TRIM8: variants seen among roughly 807,000 people sequenced by gnomAD.
TRIM8 encodes the protein tripartite motif containing 8, also known as E3 ubiquitin-protein ligase TRIM8.
Under a neutral mutation model 55.7 loss-of-function variants are expected in TRIM8, and 9 were observed. The observed-to-expected ratio is 0.16, with a 90% confidence interval of 0.10 to 0.28. The LOEUF is 0.28. TRIM8 is among the 10% of genes least tolerant of loss of function. The pLI is 1.00. For synonymous variants in TRIM8, 335 were observed against 333.3 expected (o/e 1.01, Z -0.06); for missense variants, 556 against 736.4 (o/e 0.76, Z 2.83).
chr10:102,653,135 C>A (rs1490401537), intron 1 of TRIM8, among the ~76,000 whole-genome samples: 3 of 152,180 alleles, frequency 2.0e-5, no homozygotes, highest in African/African-American at 7.2e-5. Flanking sequence ...ATTTAAATAG[C>A]CACATATGAC....
intron 1 of TRIM8, among the ~76,000 whole-genome samples, chr10:102,652,165 G>C (rs1372060406): frequency 6.6e-6 from 1 of 152,214 alleles, no homozygotes; most frequent in African/African-American, 2.4e-5. Flanking sequence ...CCTGCACCCA[G>C]CTTATAAGGT....
Position 102,656,426 on chromosome 10 carries a change from T to TG in TRIM8, c.1048+45dup, listed in dbSNP as rs759337308. The TG allele has an allele frequency of 1.3e-6, 2 of 1,580,116 alleles. No individual in the cohort carries two copies. The highest frequency in any genetic ancestry group is 2.3e-5 in the South Asian group (2 of 87,724). On this transcript the variant is annotated intron_variant, in intron 5 of 5. Coordinates refer to ENST00000643721, the MANE Select transcript of TRIM8 (RefSeq NM_030912.3). This position sits in a 1 kb window ranked among gnomAD's most constrained non-coding sequence, Gnocchi z 4.6. ...TCCGCCGAAGGGAGACAGGGACCTT[T>TG]GGGGAGGGGTTCAGCGCCACAGCCT... is the stretch of plus-strand genomic sequence containing the variant.
intron 1 of TRIM8, among the ~76,000 whole-genome samples, chr10:102,651,108 C>T (rs921901656): frequency 2.0e-5 from 3 of 152,186 alleles, no homozygotes; most frequent in East Asian, 3.8e-4. Flanking sequence ...CCTCCTTCCT[C>T]TTCCTGCTCT....
chr10:102,646,589 G>A (rs1417928493), intron 1 of TRIM8, among the ~76,000 whole-genome samples: 1 of 152,172 alleles, frequency 6.6e-6, no homozygotes, highest in Non-Finnish European at 1.5e-5. Flanking sequence ...GTTTCCAATC[G>A]GATGGACTAG....
Position 102,656,114 on chromosome 10 carries a change from G to C in TRIM8, c.909G>C (p.Lys303Asn). ...TEDVSFMKNT[K>N]SVKILMDRTQ... is the part of the protein sequence containing the mutation. Reference sequence around the variant, plus strand: ...TTTTCTCTCCCCAACAGAACACCAAGTCTGTGAAAATCCTGATGGACAGGT... The same window carrying C: ...TTTTCTCTCCCCAACAGAACACCAACTCTGTGAAAATCCTGATGGACAGGT... Residue 303 changes from lysine to asparagine, a missense_variant, in exon 4 of 6, where the codon AAG becomes AAC. Physicochemically the swap from Lys to Asn is moderately conservative, Grantham distance 94 (BLOSUM62 0). Coordinates refer to ENST00000643721, the MANE Select transcript of TRIM8 (RefSeq NM_030912.3). The surrounding 1 kb of genome is among the most constrained non-coding windows in gnomAD (Gnocchi z 4.6). 6.2e-7 allele frequency: 1 copy of C among 1,614,146 alleles called. No individual in the cohort carries two copies. Among genetic ancestry groups the C allele is most frequent in the Non-Finnish European group, 8.5e-7 (1 of 1,180,030 alleles).
At chr10:102,652,201 C>T (rs11191361) in intron 1 of TRIM8, among the ~76,000 whole-genome samples, 34,925 of 152,154 alleles carry the variant, frequency 0.23, 4,907 homozygotes, top group Non-Finnish European at 0.3. Context: ...ACACTTCCTC[C>T]TGCTCCCAGG....
chr10:102,653,473 GGA>G (rs1564721137), intron 1 of TRIM8: 1 of 152,706 alleles, frequency 6.5e-6, no homozygotes, highest in Non-Finnish European at 1.5e-5. Context: ...ACGGAGTCAC[GGA>G]GAGTTTTTGA....
Position 102,655,252 on chromosome 10 carries a change from A to G in TRIM8, c.839A>G (p.Lys280Arg). Residue 280 changes from lysine to arginine, a missense_variant, in exon 3 of 6, where the codon AAG becomes AGG. Physicochemically the swap from Lys to Arg is conservative, Grantham distance 26. This residue lies in a region of TRIM8 where 391 missense variants were observed against 441.0 expected (regional missense o/e 0.89). Coordinates refer to ENST00000643721, the MANE Select transcript of TRIM8 (RefSeq NM_030912.3). ...CTCGGGGAGCGCATGCAGGAGGCCA[A>G]GAAGCTGCTGGGCTCCCTGCAGCTG... is the stretch of plus-strand genomic sequence containing the variant. ...LHLGERMQEAKKLLGSLQLLF... is the reference protein window; with the variant it reads ...LHLGERMQEARKLLGSLQLLF... 1.2e-6 allele frequency: 2 copies of G among 1,600,494 alleles called. No homozygotes were observed. Among genetic ancestry groups the G allele is most frequent in the African/African-American group, 1.4e-5 (1 of 73,806 alleles).
chr10:102,654,638 C>T lies in TRIM8; in HGVS notation c.571-15C>T. On this transcript the variant is annotated splice_polypyrimidine_tract_variant and intron_variant, in intron 1 of 5. Coordinates refer to ENST00000643721, the MANE Select transcript of TRIM8 (RefSeq NM_030912.3). ...CCACAGTCCCTCTGATACTCCCACC[C>T]AAATGTCCCTGCAGAAGATGCTCAT... The T allele has an allele frequency of 6.2e-7, 1 of 1,608,948 alleles. No homozygotes were observed. Among genetic ancestry groups the T allele is most frequent in the Admixed American group, 1.7e-5 (1 of 60,012 alleles).
chr10:102,647,193 G>T (rs1475728788), intron 1 of TRIM8, among the ~76,000 whole-genome samples: 1 of 152,192 alleles, frequency 6.6e-6, no homozygotes, highest in African/African-American at 2.4e-5. Context: ...ATGGAAGCAG[G>T]CACTGAACTT....
At position 102,657,124 on chromosome 10, in the gene TRIM8, T is replaced by C; in HGVS notation, c.1426T>C (p.Ser476Pro). The change falls in exon 6 of 6, where the codon TCT becomes CCT. Residue 476 changes from serine (S) to proline (P), a missense_variant. Coordinates refer to ENST00000643721, the MANE Select transcript of TRIM8 (RefSeq NM_030912.3). ...CTGTTCTGTGGACAACTGTTACTGTTCTTCCGTGGCCAACCATGGCGGCCA... is the reference window on the plus strand; with the variant it reads ...CTGTTCTGTGGACAACTGTTACTGTCCTTCCGTGGCCAACCATGGCGGCCA... ...LVCSVDNCYC[S>P]SVANHGGHQP... The C allele has an allele frequency of 1.9e-6, 3 of 1,613,882 alleles. No homozygotes were observed. Among genetic ancestry groups the C allele is most frequent in the Non-Finnish European group, 2.5e-6 (3 of 1,179,984 alleles).
Position 102,655,238 on chromosome 10 carries a change from C to A in TRIM8, c.825C>A (p.Arg275=). 1 of 1,602,172 alleles carries A rather than the reference C, an allele frequency of 6.2e-7. No homozygotes were observed. The highest frequency in any genetic ancestry group is 8.5e-7 in the Non-Finnish European group (1 of 1,176,954). Residue 275 remains arginine (R), a synonymous_variant, in exon 3 of 6, where the codon CGC becomes CGA. Transcript: ENST00000643721. The stretch of plus-strand genomic sequence containing the variant: ...CGCAGGCGCTGCACCTCGGGGAGCG[C>A]ATGCAGGAGGCCAAGAAGCTGCTGG... The part of the protein sequence containing the change: ...NAAQALHLGE[R]MQEAKKLLGS...
At chr10:102,647,245 T>C (rs962624644) in intron 1 of TRIM8, among the ~76,000 whole-genome samples, 2 of 152,120 alleles carry the variant, frequency 1.3e-5, no homozygotes, top group African/African-American at 4.8e-5. Context: ...TGTGTGCGTG[T>C]GTGTGCGTGC....
At position 102,657,030 on chromosome 10, in the gene TRIM8, G is replaced by T. The variant is rs755700306; in HGVS notation, c.1332G>T (p.Ser444=). The change falls in exon 6 of 6, where the codon TCG becomes TCT. Residue 444 remains serine (S), a synonymous_variant. Coordinates refer to ENST00000643721, the MANE Select transcript of TRIM8 (RefSeq NM_030912.3). The part of the protein sequence containing the change: ...PVHSSPVFPP[S]QYPNGSAAQQ... ...ACTCAAGCCCCGTGTTCCCCCCATC[G>T]CAGTATCCCAATGGCTCCGCCGCCC... The T allele has an allele frequency of 5.6e-6, 9 of 1,612,744 alleles. No individual in the cohort carries two copies. The highest frequency in any genetic ancestry group is 1.3e-5 in the African/African-American group (1 of 75,040).
intron 1 of TRIM8, among the ~76,000 whole-genome samples, chr10:102,648,732 C>T (rs2063955920): frequency 6.6e-6 from 1 of 152,164 alleles, no homozygotes; most frequent in Non-Finnish European, 1.5e-5. Flanking sequence ...GTGCAAACCT[C>T]ACTGCTCCCT....
At position 102,657,662 on chromosome 10, in the gene TRIM8, T is replaced by G; in HGVS notation, c.*308T>G. Reference sequence around the variant, plus strand: ...TCTCTCTGTTTCTCCTTTTTTCCTCTACTCCTTCCCCTTCACACCCCCGTG... The same window carrying G: ...TCTCTCTGTTTCTCCTTTTTTCCTCGACTCCTTCCCCTTCACACCCCCGTG... On this transcript the variant is annotated 3_prime_UTR_variant, in exon 6 of 6. Coordinates refer to ENST00000643721, the MANE Select transcript of TRIM8 (RefSeq NM_030912.3). 1 of 249,236 alleles carries G rather than the reference T, an allele frequency of 4.0e-6. No individual in the cohort carries two copies. The highest frequency in any genetic ancestry group is 7.7e-6 in the Non-Finnish European group (1 of 130,204). The allele number at this position is 249,236 out of a possible 1,614,324, so 15.4% of individuals were successfully genotyped here.
chr10:102,652,434 C>T (rs962498329), intron 1 of TRIM8, among the ~76,000 whole-genome samples: 1 of 152,178 alleles, frequency 6.6e-6, no homozygotes, highest in Non-Finnish European at 1.5e-5. Context: ...AGAACCACTC[C>T]TTGCAGCATG....
In TRIM8 at chr10:102,657,937, C is replaced by T. The variant is rs2064042644; in HGVS notation, c.*583C>T. 6.6e-6 allele frequency: 1 copy of T among 152,510 alleles called. No individual in the cohort carries two copies. Among genetic ancestry groups the T allele is most frequent in the Non-Finnish European group, 1.5e-5 (1 of 68,020 alleles). The allele number at this position is 152,510 out of a possible 1,614,324, so 9.4% of individuals were successfully genotyped here. ...CATCTTCCCAGACGGAGTTCAAAGG[C>T]CACTTCTCAAGCAGCTTTTGGCACC... On this transcript the variant is annotated 3_prime_UTR_variant, in exon 6 of 6. Transcript: ENST00000643721.
intron 1 of TRIM8, among the ~76,000 whole-genome samples, chr10:102,646,035 G>A (rs1428462104): frequency 6.6e-6 from 1 of 152,194 alleles, no homozygotes. Flanking sequence ...GCTCCCCTGG[G>A]CTGCCGGCTG....
Sources: gnomAD v4.1 joint callset for allele counts (sites outside exome capture counted in the v4.1 genomes callset) on GRCh38, gnomAD v4.1.1 for gene constraint, gnomAD v4.1.1 regional missense constraint, Gnocchi (gnomAD v3.1) non-coding constraint, MANE v1.5 for transcripts, NCBI Gene and HGNC (gene_info 2026-07-23, HGNC 2026-07-21) for gene names.